Variants in NEBL observed in about 807,000 individuals in gnomAD.
NEBL encodes the protein LIM and SH3 protein 2.
Under a neutral mutation model 140.2 loss-of-function variants are expected in NEBL, and 122 were observed. The ratio of observed to expected loss-of-function variants is 0.87; its 90% CI spans 0.75 to 1.01. The LOEUF is 1.01. Among genes scored for constraint, NEBL ranks in the 50% least tolerant of loss-of-function variants. The probability of loss-of-function intolerance (pLI) is 0.00; values close to 1 mark genes in which losing one functional copy is unlikely to be tolerated. For missense variants in NEBL, 1,365 were observed against 1,231.3 expected (o/e 1.11, Z -1.62); for synonymous variants, 436 against 398.9 (o/e 1.09, Z -1.11).
intron 3 of NEBL, among the ~76,000 whole-genome samples, chr10:21,245,984 C>G (rs1842512692): frequency 1.3e-5 from 2 of 152,210 alleles, no homozygotes; most frequent in Non-Finnish European, 1.5e-5. Context: ...CATGAGCCAC[C>G]GCACCCAGCC....
chr10:21,185,552 C>T (rs1841452358), intron 3 of NEBL, among the ~76,000 whole-genome samples: 1 of 124,000 alleles, frequency 8.1e-6, no homozygotes, highest in South Asian at 2.7e-4. Flanking sequence ...GGTTGGAGTG[C>T]AGTGGCATGA....
chr10:20,831,509 G>T lies in NEBL; in HGVS notation c.1524C>A (p.Val508=), dbSNP rs768660871. ...GMQVSTDTLD[V]QRAKKASEMA... ...TCTCGGATGCTTTCTTAGCTCTCTGGACATCAAGAGTGTCTGTGCTCACCT... is the reference window on the plus strand; with the variant it reads ...TCTCGGATGCTTTCTTAGCTCTCTGTACATCAAGAGTGTCTGTGCTCACCT... Residue 508 remains valine, a synonymous_variant, in exon 15 of 28, where the codon GTC becomes GTA. Transcript: ENST00000377122. The T allele has an allele frequency of 1.2e-6, 2 of 1,611,710 alleles. No individual in the cohort carries two copies. The highest frequency in any genetic ancestry group is 8.5e-7 in the Non-Finnish European group (1 of 1,179,176).
rs538679444 is a variant in NEBL, at chr10:20,886,195, T to A, written c.369+1902A>T. Among the ~76,000 whole-genome samples, 9 of 152,112 alleles carry A rather than the reference T, an allele frequency of 5.9e-5. No homozygotes were observed. The South Asian group carries it at 1.2e-3, about 21-fold the overall frequency. ...CCCAGAACTTAAAAAAAATTTTTTT[T>A]AATAAGATTATCTAGGTATCTCTAC... On this transcript the variant is annotated intron_variant, in intron 4 of 27. Coordinates refer to ENST00000377122, the MANE Select transcript of NEBL (RefSeq NM_006393.3).
chr10:20,840,831 A>G lies in NEBL; in HGVS notation c.1246T>C (p.Leu416=). The stretch of plus-strand genomic sequence containing the variant: ...CCTTTCCCTTTTATCTCATTTTCCA[A>G]ATCTTTTTTATATTCTTTCTATGAG... ...LLREKEYKKD[L]ENEIKGKGME... The change falls in exon 13 of 28, where the codon TTG becomes CTG. Residue 416 remains leucine (L), a synonymous_variant. Coordinates refer to ENST00000377122, the MANE Select transcript of NEBL (RefSeq NM_006393.3). 1 of 1,583,206 alleles carries G rather than the reference A, an allele frequency of 6.3e-7. No homozygotes were observed. The highest frequency in any genetic ancestry group is 2.2e-5 in the East Asian group (1 of 44,598).
In NEBL at chr10:20,784,271, C is replaced by G. The variant is rs1471991343; in HGVS notation, c.*1476G>C. The G allele has an allele frequency of 6.6e-6, 1 of 152,096 alleles. No homozygotes were observed. Among genetic ancestry groups the G allele is most frequent in the Non-Finnish European group, 1.5e-5 (1 of 68,020 alleles). The allele number at this position is 152,096 out of a possible 1,614,324, so 9.4% of individuals were successfully genotyped here. ...ACAGTAAACGGCACAATCAGAAAAACACAGGGTTGCCGACGGGTGCCGCTG... is the reference window on the plus strand; with the variant it reads ...ACAGTAAACGGCACAATCAGAAAAAGACAGGGTTGCCGACGGGTGCCGCTG... On this transcript the variant is annotated 3_prime_UTR_variant, in exon 28 of 28. Transcript: ENST00000377122.
At chr10:21,082,297 A>G (rs1836402093) in intron 2 of NEBL, among the ~76,000 whole-genome samples, 1 of 152,136 alleles carries the variant, frequency 6.6e-6, no homozygotes, top group Admixed American at 6.6e-5. Context: ...AAGTGGCAAA[A>G]CTTTAATGGG....
chr10:21,244,911 C>A (rs1378008658), intron 3 of NEBL, among the ~76,000 whole-genome samples: 2 of 151,484 alleles, frequency 1.3e-5, no homozygotes, highest in African/African-American at 4.9e-5. Flanking sequence ...AATCCCAGCA[C>A]TTCAGGAGGC....
chr10:21,266,673 T>C (rs889415961), intron 1 of NEBL, among the ~76,000 whole-genome samples: 7 of 152,238 alleles, frequency 4.6e-5, no homozygotes, highest in African/African-American at 1.7e-4. Flanking sequence ...CAGATGCCTG[T>C]GTCTCTTTTC....
At chr10:20,973,451 T>C (rs549228583) in intron 3 of NEBL, among the ~76,000 whole-genome samples, 104 of 152,226 alleles carry the variant, frequency 6.8e-4, no homozygotes, top group African/African-American at 2.5e-3. Context: ...GGTCACACTA[T>C]ATTTCCCAGG....
In NEBL at chr10:21,169,089, T is replaced by A. The variant is rs1407300500; in HGVS notation, c.164+3294A>T. 3.8e-4 allele frequency among the ~76,000 whole-genome samples: 45 copies of A among 118,828 alleles called. 2 individuals carry two copies. The highest frequency in any genetic ancestry group is 1.1e-3 in the African/African-American group (37 of 32,908). 78.0% of individuals were successfully genotyped at this position (118,828 alleles called of 152,430 possible). A position where few individuals can be genotyped will look rare whatever the true frequency, so the allele number is the denominator to read the frequency against. ...AAAAATATATATATATATATATATA[T>A]ATATATATATATATATATTTGGACA... On this transcript the variant is annotated intron_variant, in intron 2 of 6. Coordinates refer to the NEBL transcript ENST00000417816.
intron 4 of NEBL, among the ~76,000 whole-genome samples, chr10:20,942,927 A>C (rs556173853): frequency 6.6e-6 from 1 of 152,354 alleles, no homozygotes; most frequent in African/African-American, 2.4e-5. Flanking sequence ...ATCAGTAAAA[A>C]GTCAGGAAAC....
intron 4 of NEBL, among the ~76,000 whole-genome samples, chr10:20,935,800 A>T (rs7905899): frequency 6.6e-6 from 1 of 152,086 alleles, no homozygotes; most frequent in Non-Finnish European, 1.5e-5. Context: ...CATTTGTGAA[A>T]TAATAATCTA....
chr10:21,191,713 T>C (rs1841577576), intron 3 of NEBL, among the ~76,000 whole-genome samples: 1 of 152,240 alleles, frequency 6.6e-6, no homozygotes, highest in African/African-American at 2.4e-5. Flanking sequence ...ATAACAATAT[T>C]GTTGCTTTTA....
At chr10:20,984,192 A>T (rs911667460) in intron 3 of NEBL, among the ~76,000 whole-genome samples, 1 of 151,998 alleles carries the variant, frequency 6.6e-6, no homozygotes, top group Non-Finnish European at 1.5e-5. Flanking sequence ...CCAAAAACAC[A>T]TAGTAAAAAT....
chr10:21,262,733 G>A (rs1254694178), intron 1 of NEBL, among the ~76,000 whole-genome samples: 1 of 152,186 alleles, frequency 6.6e-6, no homozygotes, highest in East Asian at 1.9e-4. Flanking sequence ...CAAGGCTGGG[G>A]CTGGGGATGG....
At chr10:21,133,518 C>G (rs918013186) in intron 2 of NEBL, among the ~76,000 whole-genome samples, 2 of 152,114 alleles carry the variant, frequency 1.3e-5, no homozygotes, top group African/African-American at 2.4e-5. Flanking sequence ...AAGTTATTCT[C>G]TTTTCTGTGT....
In NEBL at chr10:20,953,580, A is replaced by G. The variant is rs1290973271; in HGVS notation, c.357+8092T>C. On this transcript the variant is annotated intron_variant, in intron 4 of 6. Transcript: ENST00000417816. Reference sequence around the variant, plus strand: ...AGAATTCCCTATGATATATTAAGATAGGGGAAGTCCTGGCATTTGTAATGT... The same window carrying G: ...AGAATTCCCTATGATATATTAAGATGGGGGAAGTCCTGGCATTTGTAATGT... Among the ~76,000 whole-genome samples the G allele has an allele frequency of 3.4e-5, 5 of 145,488 alleles. No homozygotes were observed. In the East Asian group the frequency reaches 1.0e-3, roughly 29 times the overall value.
chr10:21,241,712 G>A (rs915412260), intron 3 of NEBL, among the ~76,000 whole-genome samples: 1 of 151,934 alleles, frequency 6.6e-6, no homozygotes, highest in Non-Finnish European at 1.5e-5. Flanking sequence ...ATGCCTATAC[G>A]GAAACCAGGC....
intron 26 of NEBL, among the ~76,000 whole-genome samples, chr10:20,794,179 C>G (rs190592915): frequency 6.6e-6 from 1 of 152,296 alleles, no homozygotes; most frequent in East Asian, 1.9e-4. Flanking sequence ...ACCCCATTTC[C>G]TTGGGGTGGA....
Sources: gnomAD v4.1 joint callset for allele counts (sites outside exome capture counted in the v4.1 genomes callset) on GRCh38, gnomAD v4.1.1 for gene constraint, MANE v1.5 for transcripts, NCBI Gene and HGNC (gene_info 2026-07-23, HGNC 2026-07-21) for gene names.